HMGA1: variants seen among roughly 807,000 people sequenced by gnomAD.
HMGA1 encodes high mobility group protein HMG-I/HMG-Y.
In HMGA1, 1 loss-of-function variant was observed where a neutral mutation model predicts 15.1. The ratio of observed to expected loss-of-function variants is 0.07; its 90% CI spans 0.02 to 0.31. The LOEUF (loss-of-function observed/expected upper bound fraction) is 0.31. HMGA1 is among the 10% of genes least tolerant of loss of function. The probability of loss-of-function intolerance (pLI) is 1.00; values close to 1 mark genes in which losing one functional copy is unlikely to be tolerated. For missense variants in HMGA1, 94 were observed against 141.4 expected (o/e 0.66, Z 1.70); for synonymous variants, 56 against 54.8 (o/e 1.02, Z -0.10).
chr6:34,242,922 C>G (rs1364281361), intron 4 of HMGA1, 127 bp downstream of exon 4: 1 of 732,412 alleles, frequency 1.4e-6, no homozygotes, highest in South Asian at 1.5e-5. Context: ...ACCCCCTTCC[C>G]TGGTACAGGG....
intron 2 of HMGA1, among the ~76,000 whole-genome samples, chr6:34,237,962 C>T (rs1761948027): frequency 6.6e-6 from 1 of 152,130 alleles, no homozygotes; most frequent in Non-Finnish European, 1.5e-5. Context: ...AGGGGCCGGG[C>T]CTGCCCTCCG....
intron 4 of HMGA1, among the ~76,000 whole-genome samples, chr6:34,243,219 T>C (rs1040487255): frequency 6.6e-6 from 1 of 152,122 alleles, no homozygotes; most frequent in Non-Finnish European, 1.5e-5. Context: ...GTTTTTTATT[T>C]TATTTTTTCT....
At chr6:34,241,490 T>C (rs529950467) in intron 3 of HMGA1, among the ~76,000 whole-genome samples, 146 of 152,336 alleles carry the variant, frequency 9.6e-4, no homozygotes, top group African/African-American at 3.0e-3. Flanking sequence ...TGCCCCTGGC[T>C]CTTTAGATGG....
rs191599340 is a variant in HMGA1, at chr6:34,239,812, A to G, written c.-44-925A>G. Among the ~76,000 whole-genome samples the G allele has an allele frequency of 3.3e-5, 5 of 152,290 alleles. No homozygotes were observed. In the East Asian group the frequency reaches 9.7e-4, roughly 29 times the overall value. On this transcript the variant is annotated intron_variant, in intron 2 of 5. Coordinates refer to ENST00000311487, the MANE Select transcript of HMGA1 (RefSeq NM_145899.3). The stretch of plus-strand genomic sequence containing the variant: ...GGAAAACTCAAAATTGATGGGGTTA[A>G]TTAAACCCCAACAGGCCTCTAAGAA...
chr6:34,245,993 G>A lies in HMGA1; in HGVS notation c.*1109G>A. 3.6e-6 allele frequency: 1 copy of A among 274,456 alleles called. No homozygotes were observed. Among genetic ancestry groups the A allele is most frequent in the East Asian group, 6.2e-5 (1 of 16,224 alleles). The allele number at this position is 274,456 out of a possible 1,614,324, so 17.0% of individuals were successfully genotyped here. A position where few individuals can be genotyped will look rare whatever the true frequency, so the allele number is the denominator to read the frequency against. ...CCAAGATACTCTTTGTGGGGAAGAGGGGCTGGGGCATGGCAGGCTGGGTGA... is the reference window on the plus strand; with the variant it reads ...CCAAGATACTCTTTGTGGGGAAGAGAGGCTGGGGCATGGCAGGCTGGGTGA... On this transcript the variant is annotated 3_prime_UTR_variant, in exon 6 of 6. Transcript: ENST00000311487.
In HMGA1 at chr6:34,245,876, A is replaced by C; in HGVS notation, c.*992A>C. 1 of 318,072 alleles carries C rather than the reference A, an allele frequency of 3.1e-6. No individual in the cohort carries two copies. The highest frequency in any genetic ancestry group is 6.0e-6 in the Non-Finnish European group (1 of 166,410). 19.7% of individuals were successfully genotyped at this position (318,072 alleles called of 1,614,324 possible). ...TGGACAGTTGTGTTGTTTTTTGTTC[A>C]ATGTTCCATTCTTCGACATCCGTCA... On this transcript the variant is annotated 3_prime_UTR_variant, in exon 6 of 6. Coordinates refer to ENST00000311487, the MANE Select transcript of HMGA1 (RefSeq NM_145899.3).
chr6:34,240,882 G>A lies in HMGA1; in HGVS notation c.102G>A (p.Pro34=), dbSNP rs143690346. The change falls in exon 3 of 6, where the codon CCG becomes CCA. Residue 34 remains proline (P), a synonymous_variant. Coordinates refer to ENST00000311487, the MANE Select transcript of HMGA1 (RefSeq NM_145899.3). ...RGRGRPRKQP[P]VSPGTALVGS... ...GGGGCAGGCCGCGCAAGCAGCCTCC[G>A]GTGAGTCCCGGGACAGCGCTGGTAG... is the stretch of plus-strand genomic sequence containing the variant. The A allele has an allele frequency of 7.1e-5, 114 of 1,613,700 alleles. No individual in the cohort carries two copies. Among genetic ancestry groups the A allele is most frequent in the South Asian group, 4.4e-4 (40 of 91,068 alleles).
chr6:34,245,677 TG>T lies in HMGA1; in HGVS notation c.*796del. 1 of 1,247,008 alleles carries T rather than the reference TG, an allele frequency of 8.0e-7. No individual in the cohort carries two copies. The highest frequency in any genetic ancestry group is 1.3e-5 in the South Asian group (1 of 74,898). 77.2% of individuals were successfully genotyped at this position (1,247,008 alleles called of 1,614,324 possible). A position where few individuals can be genotyped will look rare whatever the true frequency, so the allele number is the denominator to read the frequency against. On this transcript the variant is annotated 3_prime_UTR_variant, in exon 6 of 6. Coordinates refer to ENST00000311487, the MANE Select transcript of HMGA1 (RefSeq NM_145899.3). ...AGAGCCCTGTGGCCGCCACCTGAGG[TG>T]GGCTGGGGCTGCTCCCCTAACCCTA...
intron 2 of HMGA1, among the ~76,000 whole-genome samples, chr6:34,237,861 G>A (rs977748651): frequency 6.6e-6 from 1 of 151,926 alleles, no homozygotes; most frequent in South Asian, 2.1e-4. Context: ...TTTCTCTCGC[G>A]CCCCCTCCGC....
At chr6:34,242,663 G>T (rs1762396778) in intron 3 of HMGA1, 49 bp from the exon 4 acceptor site, 4 of 1,295,864 alleles carry the variant, frequency 3.1e-6, no homozygotes, top group Non-Finnish European at 3.3e-6. Flanking sequence ...CTTCTGAGGG[G>T]GTGGAAACAG....
In HMGA1 at chr6:34,245,568, C is replaced by G; in HGVS notation, c.*684C>G. On this transcript the variant is annotated 3_prime_UTR_variant, in exon 6 of 6. Coordinates refer to ENST00000311487, the MANE Select transcript of HMGA1 (RefSeq NM_145899.3). ...TCCCCTACTCCCTCTTCACTGTGGC[C>G]ACAGCCCCCTTGCCCTCCGCCTGGG... 1 of 1,380,158 alleles carries G rather than the reference C, an allele frequency of 7.2e-7. No homozygotes were observed. The highest frequency in any genetic ancestry group is 1.9e-4 in the Middle Eastern group (1 of 5,138). 85.5% of individuals were successfully genotyped at this position (1,380,158 alleles called of 1,614,324 possible).
rs184029869 is a variant in HMGA1 at position 34,244,159 on chromosome 6, G to A, written c.270+641G>A. On this transcript the variant is annotated intron_variant, in intron 5 of 5. Transcript: ENST00000311487. ...CCCTGAAGCTGTCATTCCTTGAGCTGAGCCACTGCTGGGGTGGGGGGGTTA... is the reference window on the plus strand; with the variant it reads ...CCCTGAAGCTGTCATTCCTTGAGCTAAGCCACTGCTGGGGTGGGGGGGTTA... Among the ~76,000 whole-genome samples the A allele has an allele frequency of 6.5e-3, 978 of 150,758 alleles. 10 individuals carry two copies. The highest frequency in any genetic ancestry group is 9.5e-3 in the Admixed American group (144 of 15,226).
chr6:34,246,166 G>A lies in HMGA1; in HGVS notation c.*1282G>A, dbSNP rs1172183849. 8.0e-6 allele frequency: 2 copies of A among 250,052 alleles called. No homozygotes were observed. The highest frequency in any genetic ancestry group is 1.2e-4 in the South Asian group (1 of 8,042). The allele number at this position is 250,052 out of a possible 1,614,324, so 15.5% of individuals were successfully genotyped here. ...GGAGGGGTAGCCATGATTTGTCCCA[G>A]CCTGGGGCTCCCTCTCTGGTTTCCT... On this transcript the variant is annotated 3_prime_UTR_variant, in exon 6 of 6. Transcript: ENST00000311487.
intron 3 of HMGA1, among the ~76,000 whole-genome samples, chr6:34,241,843 G>T (rs958192193): frequency 6.6e-6 from 1 of 152,232 alleles, no homozygotes; most frequent in Admixed American, 6.5e-5. Context: ...AGAGTGGTCT[G>T]TGCTGACCTG....
chr6:34,243,582 A>C (rs1762473159), intron 5 of HMGA1, 64 bp downstream of exon 5: 2 of 1,293,202 alleles, frequency 1.5e-6, no homozygotes, highest in Non-Finnish European at 2.2e-6. Context: ...TGTTGAGTAC[A>C]CAGTACCTGA....
chr6:34,242,596 G>A (rs1289998531), intron 3 of HMGA1, 116 bp from the exon 4 acceptor site: 10 of 752,146 alleles, frequency 1.3e-5, no homozygotes, highest in Middle Eastern at 3.6e-4. Context: ...GTCAGGGATG[G>A]TTTGTGGTTC....
Position 34,245,595 on chromosome 6 carries a change from T to C in HMGA1, c.*711T>C. ...CAGCCCCCTTGCCCTCCGCCTGGGA[T>C]CTGAGTACATATTGTGGTGATGGAG... is the stretch of plus-strand genomic sequence containing the variant. On this transcript the variant is annotated 3_prime_UTR_variant, in exon 6 of 6. Coordinates refer to ENST00000311487, the MANE Select transcript of HMGA1 (RefSeq NM_145899.3). 1 of 1,381,642 alleles carries C rather than the reference T, an allele frequency of 7.2e-7. No individual in the cohort carries two copies. The highest frequency in any genetic ancestry group is 9.6e-7 in the Non-Finnish European group (1 of 1,036,276). 85.6% of individuals were successfully genotyped at this position (1,381,642 alleles called of 1,614,324 possible).
chr6:34,242,723 C>G lies in HMGA1; in HGVS notation c.147C>G (p.Ser49Arg). The G allele has an allele frequency of 6.3e-7, 1 of 1,583,348 alleles. No individual in the cohort carries two copies. The highest frequency in any genetic ancestry group is 1.8e-5 in the Admixed American group (1 of 56,264). The change falls in exon 4 of 6, where the codon AGC becomes AGG. Residue 49 changes from serine (S) to arginine (R), a missense_variant. Ser to Arg is a moderately radical substitution (Grantham distance 110). Transcript: ENST00000311487. ...TALVGSQKEPSEVPTPKRPRG... is the reference protein window; with the variant it reads ...TALVGSQKEPREVPTPKRPRG... ...CTCTGTCTTTACAGAAGGAGCCCAGCGAAGTGCCAACACCTAAGAGACCTC... is the reference window on the plus strand; with the variant it reads ...CTCTGTCTTTACAGAAGGAGCCCAGGGAAGTGCCAACACCTAAGAGACCTC...
rs1380857526 is a variant in HMGA1, at chr6:34,237,264, C to G, written c.-98C>G. The stretch of plus-strand genomic sequence containing the variant: ...CCAGGCCGGTCCTCAGCGCCCAGCA[C>G]CGCCGCTCCCGGCAACCCGGAGCGC... On this transcript the variant is annotated 5_prime_UTR_variant, in exon 2 of 6. Coordinates refer to ENST00000311487, the MANE Select transcript of HMGA1 (RefSeq NM_145899.3). 5 of 148,694 alleles carry G rather than the reference C, an allele frequency of 3.4e-5. No individual in the cohort carries two copies. Among genetic ancestry groups the G allele is most frequent in the Admixed American group, 2.0e-4 (3 of 14,962 alleles). 9.2% of individuals were successfully genotyped at this position (148,694 alleles called of 1,614,324 possible). A position where few individuals can be genotyped will look rare whatever the true frequency, so the allele number is the denominator to read the frequency against.
Sources: gnomAD v4.1 joint callset for allele counts (sites outside exome capture counted in the v4.1 genomes callset) on GRCh38, gnomAD v4.1.1 for gene constraint, MANE v1.5 for transcripts, NCBI Gene and HGNC (gene_info 2026-07-23, HGNC 2026-07-21) for gene names.